The following ST6GALNAC5 variants were observed in gnomAD, a reference collection of about 807,000 sequenced individuals.
ST6GALNAC5 encodes the protein ST6 N-acetylgalactosaminide alpha-2,6-sialyltransferase 5.
ST6GALNAC5 carries 27 observed loss-of-function variants against 33.6 expected under a neutral mutation model. The observed-to-expected ratio is 0.80, with a 90% CI of 0.59 to 1.11. ST6GALNAC5 has a LOEUF of 1.11. ST6GALNAC5 is among the 50% of genes least tolerant of loss of function. The pLI is 0.00. For missense variants in ST6GALNAC5, 428 were observed against 454.0 expected (o/e 0.94, Z 0.52); for synonymous variants, 194 against 171.2 (o/e 1.13, Z -1.04).
intron 2 of ST6GALNAC5, among the ~76,000 whole-genome samples, chr1:76,945,779 C>G (rs1647496485): frequency 6.6e-6 from 1 of 152,092 alleles, no homozygotes; most frequent in Admixed American, 6.5e-5. Context: ...ATGTTACATC[C>G]CAACCTCCAT....
At chr1:76,894,999 G>T (rs987083922) in intron 2 of ST6GALNAC5, among the ~76,000 whole-genome samples, 1 of 152,110 alleles carries the variant, frequency 6.6e-6, no homozygotes, top group Non-Finnish European at 1.5e-5. Context: ...TCTCTGGCGG[G>T]CAGAGTGGGG....
At chr1:76,950,981 CAA>C (rs374447243) in intron 2 of ST6GALNAC5, among the ~76,000 whole-genome samples, 1 of 143,136 alleles carries the variant, frequency 7.0e-6, no homozygotes, top group Non-Finnish European at 1.5e-5. Flanking sequence ...TTTGTTACAC[CAA>C]AAAAAAAAAT....
intron 2 of ST6GALNAC5, among the ~76,000 whole-genome samples, chr1:76,907,517 G>A (rs141882484): frequency 7.7e-4 from 117 of 152,222 alleles, no homozygotes; most frequent in African/African-American, 2.6e-3. Context: ...AGTTTTCACT[G>A]GCTGTAACTG....
At chr1:76,941,907 A>T (rs1647348288) in intron 2 of ST6GALNAC5, among the ~76,000 whole-genome samples, 1 of 152,118 alleles carries the variant, frequency 6.6e-6, no homozygotes, top group Non-Finnish European at 1.5e-5. Flanking sequence ...GCCAGCTGCA[A>T]GGTGGCCCTC....
chr1:77,053,901 C>T (rs1322603850), intron 4 of ST6GALNAC5, among the ~76,000 whole-genome samples: 2 of 152,168 alleles, frequency 1.3e-5, no homozygotes, highest in Non-Finnish European at 2.9e-5. Context: ...TCTACAGCTT[C>T]CCTAAGTTCC....
chr1:76,920,674 C>G (rs1292521231), intron 2 of ST6GALNAC5, among the ~76,000 whole-genome samples: 1 of 152,158 alleles, frequency 6.6e-6, no homozygotes, highest in Non-Finnish European at 1.5e-5. Context: ...CCTTCTAATA[C>G]TGGTCACATT....
intron 2 of ST6GALNAC5, among the ~76,000 whole-genome samples, chr1:76,920,099 C>T (rs1647015573): frequency 1.3e-5 from 2 of 152,038 alleles, no homozygotes; most frequent in African/African-American, 2.4e-5. Flanking sequence ...GACTTTATTT[C>T]ACATGTAAAT....
At chr1:77,027,992 A>G (rs1651310690) in intron 2 of ST6GALNAC5, among the ~76,000 whole-genome samples, 1 of 152,174 alleles carries the variant, frequency 6.6e-6, no homozygotes, top group African/African-American at 2.4e-5. Context: ...ATCAGCCCCG[A>G]GTGCAACTAA....
rs199705 is a variant in ST6GALNAC5 at position 77,049,591 on chromosome 1, C to G, written c.672-667C>G. Among the ~76,000 whole-genome samples, 868 of 152,172 alleles carry G rather than the reference C, an allele frequency of 5.7e-3. 8 individuals are homozygous for G. The highest frequency in any genetic ancestry group is 0.019 in the African/African-American group (807 of 41,510). The stretch of plus-strand genomic sequence containing the variant: ...CACCAGTTCATTCCTTAAATTTTGT[C>G]AATTTTTGGTCTCCTAGTAAAAATT... On this transcript the variant is annotated intron_variant, in intron 3 of 4. Coordinates refer to ENST00000477717, the MANE Select transcript of ST6GALNAC5 (RefSeq NM_030965.3).
intron 2 of ST6GALNAC5, among the ~76,000 whole-genome samples, chr1:76,898,249 G>A (rs1000502178): frequency 6.6e-6 from 1 of 152,226 alleles, no homozygotes; most frequent in African/African-American, 2.4e-5. Flanking sequence ...GCTCCTGGGG[G>A]AGGAGGTTCT....
At chr1:76,943,513 G>A (rs923026480) in intron 2 of ST6GALNAC5, among the ~76,000 whole-genome samples, 4 of 152,154 alleles carry the variant, frequency 2.6e-5, no homozygotes, top group East Asian at 1.9e-4. Context: ...AAGTGTGGGG[G>A]TATTGCATTG....
intron 2 of ST6GALNAC5, among the ~76,000 whole-genome samples, chr1:76,973,510 A>C (rs1170902427): frequency 6.6e-6 from 1 of 152,058 alleles, no homozygotes; most frequent in African/African-American, 2.4e-5. Flanking sequence ...AAGTCCACTA[A>C]CTTAAATGAT....
chr1:76,911,487 T>C (rs143014956), intron 2 of ST6GALNAC5, among the ~76,000 whole-genome samples: 2,265 of 152,260 alleles, frequency 0.015, 60 homozygotes, highest in African/African-American at 0.051. Context: ...TCTCTCTTTT[T>C]CTATTGATTG....
At position 77,001,207 on chromosome 1, in the gene ST6GALNAC5, C is replaced by T. The variant is rs1262633812; in HGVS notation, c.262-42997C>T. On this transcript the variant is annotated intron_variant, in intron 2 of 4. Coordinates refer to ENST00000477717, the MANE Select transcript of ST6GALNAC5 (RefSeq NM_030965.3). The stretch of plus-strand genomic sequence containing the variant: ...TAGTTCTCCTTGAAGAGGTCCTTCA[C>T]ATCCCTTGTAAGTTGGATTCCTAGG... Among the ~76,000 whole-genome samples, 3 of 127,016 alleles carry T rather than the reference C, an allele frequency of 2.4e-5. No individual in the cohort carries two copies. The Admixed American group carries it at 2.5e-4, about 10-fold the overall frequency. The allele number at this position is 127,016 out of a possible 152,430, so 83.3% of individuals were successfully genotyped here. A position where few individuals can be genotyped will look rare whatever the true frequency, so the allele number is the denominator to read the frequency against.
intron 2 of ST6GALNAC5, among the ~76,000 whole-genome samples, chr1:76,915,633 AATTG>A (rs1646963607): frequency 6.6e-6 from 1 of 151,420 alleles, no homozygotes; most frequent in Admixed American, 6.6e-5. Flanking sequence ...CATAGATGGG[AATTG>A]AACAATGAGA....
intron 2 of ST6GALNAC5, among the ~76,000 whole-genome samples, chr1:76,940,199 C>A (rs10873923): frequency 2.0e-5 from 3 of 151,948 alleles, no homozygotes; most frequent in East Asian, 2.0e-4. Context: ...ATGGCCGGGG[C>A]GAGCAGATAG....
chr1:76,961,409 A>T (rs1648234792), intron 2 of ST6GALNAC5, among the ~76,000 whole-genome samples: 1 of 152,182 alleles, frequency 6.6e-6, no homozygotes, highest in Non-Finnish European at 1.5e-5. Context: ...AAGACAAGGA[A>T]CGTGAAAATT....
chr1:77,066,386 C>T lies in ST6GALNAC5; in HGVS notation c.*3180C>T, dbSNP rs1652779712. Among the ~76,000 whole-genome samples, 1 of 152,196 alleles carries T rather than the reference C, an allele frequency of 6.6e-6. No individual in the cohort carries two copies. Among genetic ancestry groups the T allele is most frequent in the African/African-American group, 2.4e-5 (1 of 41,452 alleles). ...TTGTTTTCTGAAGTTCTCTCCATTACTGATCTATTTGAATGACATGAGAAT... is the reference window on the plus strand; with the variant it reads ...TTGTTTTCTGAAGTTCTCTCCATTATTGATCTATTTGAATGACATGAGAAT... On this transcript the variant is annotated 3_prime_UTR_variant, in exon 5 of 5. Transcript: ENST00000477717.
chr1:76,923,014 G>C (rs779692063), intron 2 of ST6GALNAC5, among the ~76,000 whole-genome samples: 3 of 151,868 alleles, frequency 2.0e-5, no homozygotes, highest in Non-Finnish European at 2.9e-5. Flanking sequence ...CTTAAATAAT[G>C]TTGGTGCAAT....
Sources: gnomAD v4.1 joint callset for allele counts (sites outside exome capture counted in the v4.1 genomes callset) on GRCh38, gnomAD v4.1.1 for gene constraint, MANE v1.5 for transcripts, NCBI Gene and HGNC (gene_info 2026-07-23, HGNC 2026-07-21) for gene names.